CDK17: variants seen among roughly 807,000 people sequenced by gnomAD.
The protein encoded by CDK17 is cyclin-dependent kinase 17.
A neutral mutation model predicts 77.6 loss-of-function variants in CDK17; 24 were observed. The observed-to-expected ratio is 0.31, with a 90% CI of 0.22 to 0.44. The LOEUF is 0.44. CDK17 is among the 20% of genes least tolerant of loss of function. CDK17 has a pLI of 1.00. For missense variants in CDK17, 429 were observed against 622.5 expected, an observed-to-expected ratio of 0.69 and a Z score of 3.31; for synonymous variants, 203 against 210.4, an observed-to-expected ratio of 0.96 and a Z score of 0.30.
At chr12:96,325,009 T>A (rs996794531) in intron 2 of CDK17, among the ~76,000 whole-genome samples, 2 of 152,096 alleles carry the variant, frequency 1.3e-5, no homozygotes, top group African/African-American at 4.8e-5. Flanking sequence ...ATTAAAAAAA[T>A]ATAATACTTA....
At chr12:96,341,344 C>CACACACACACACACACGT (rs149595808) in intron 1 of CDK17, among the ~76,000 whole-genome samples, 1 of 149,806 alleles carries the variant, frequency 6.7e-6, no homozygotes, top group African/African-American at 2.5e-5. Flanking sequence ...CACACACACA[C>CACACACACACACACACGT]GTCTCATATA....
At chr12:96,364,481 G>C (rs1172609542) in intron 1 of CDK17, among the ~76,000 whole-genome samples, 3 of 152,102 alleles carry the variant, frequency 2.0e-5, no homozygotes, top group Middle Eastern at 3.2e-3. Context: ...CATATTCCTG[G>C]TGACTAATGT....
chr12:96,365,878 T>A (rs1953576052), intron 1 of CDK17, among the ~76,000 whole-genome samples: 1 of 152,022 alleles, frequency 6.6e-6, no homozygotes, highest in Non-Finnish European at 1.5e-5. Flanking sequence ...CTGTCTCAAT[T>A]AAAAAAAAGT....
Position 96,280,898 on chromosome 12 carries a change from G to C in CDK17, c.1457-13C>G. ...AATATTGATACACCTAAAATGCATA[G>C]ACAAAAATTATTAGGTGAAGGTCTA... On this transcript the variant is annotated splice_polypyrimidine_tract_variant and intron_variant, in intron 15 of 16. Coordinates refer to ENST00000261211, the MANE Select transcript of CDK17 (RefSeq NM_002595.5). 2 of 1,602,414 alleles carry C rather than the reference G, an allele frequency of 1.2e-6. No individual in the cohort carries two copies. The highest frequency in any genetic ancestry group is 1.7e-6 in the Non-Finnish European group (2 of 1,174,280).
At chr12:96,377,763 G>C (rs900401692) in intron 1 of CDK17, among the ~76,000 whole-genome samples, 7 of 145,456 alleles carry the variant, frequency 4.8e-5, no homozygotes, top group Non-Finnish European at 8.9e-5. Context: ...GTGCGATCTC[G>C]GCTCACTGCA....
intron 6 of CDK17, among the ~76,000 whole-genome samples, chr12:96,299,388 ATT>A (rs35168599): frequency 0.15 from 19,667 of 132,978 alleles, 1,258 homozygotes; most frequent in African/African-American, 0.19. Flanking sequence ...TAAATGATAA[ATT>A]TTTTTTTTTT....
intron 12 of CDK17, 26 bp from the exon 13 acceptor site, chr12:96,286,174 T>C (rs764057083): frequency 3.5e-6 from 2 of 566,998 alleles, no homozygotes; most frequent in South Asian, 9.8e-5. Context: ...AAATTAAATA[T>C]ATTTATAAAT....
chr12:96,381,275 T>C (rs1359219781), intron 1 of CDK17, among the ~76,000 whole-genome samples: 3 of 152,008 alleles, frequency 2.0e-5, no homozygotes, highest in Non-Finnish European at 4.4e-5. Context: ...TCATATAAAC[T>C]TTTCAAAGAG....
chr12:96,370,529 T>C (rs533532197), intron 1 of CDK17, among the ~76,000 whole-genome samples: 1 of 152,330 alleles, frequency 6.6e-6, no homozygotes, highest in African/African-American at 2.4e-5. Context: ...TTCATTTTGC[T>C]CTAAAGCAGA....
intron 1 of CDK17, among the ~76,000 whole-genome samples, chr12:96,394,516 T>C (rs1169621099): frequency 6.6e-6 from 1 of 152,044 alleles, no homozygotes; most frequent in Non-Finnish European, 1.5e-5. Context: ...AAAAATGTGT[T>C]ATTAAAAGGT....
intron 10 of CDK17, among the ~76,000 whole-genome samples, chr12:96,289,727 A>C (rs1185158094): frequency 6.6e-6 from 1 of 152,224 alleles, no homozygotes; most frequent in African/African-American, 2.4e-5. Context: ...TTCATTTGCT[A>C]TACCATTTTT....
At chr12:96,394,368 A>T (rs1954130756) in intron 1 of CDK17, among the ~76,000 whole-genome samples, 1 of 152,250 alleles carries the variant, frequency 6.6e-6, no homozygotes, top group African/African-American at 2.4e-5. Flanking sequence ...TGACTTGAGA[A>T]GGCCAAAGTT....
At chr12:96,306,414 T>C (rs1016295386) in intron 5 of CDK17, among the ~76,000 whole-genome samples, 2 of 136,538 alleles carry the variant, frequency 1.5e-5, no homozygotes, top group African/African-American at 2.6e-5. Flanking sequence ...AAATAATTTG[T>C]ACAAAAAAAA....
At chr12:96,386,142 C>T (rs1422624030) in intron 1 of CDK17, among the ~76,000 whole-genome samples, 1 of 152,184 alleles carries the variant, frequency 6.6e-6, no homozygotes, top group Non-Finnish European at 1.5e-5. Flanking sequence ...CAGGCATGTG[C>T]CACCACAGCT....
intron 15 of CDK17, 88 bp from the exon 16 acceptor site, chr12:96,280,973 T>C (rs1332239780): frequency 9.3e-7 from 1 of 1,080,824 alleles, no homozygotes; most frequent in Non-Finnish European, 1.3e-6. Context: ...ATAAAGCATA[T>C]ACTGATTCAA....
chr12:96,371,887 T>C (rs890811219), intron 1 of CDK17, among the ~76,000 whole-genome samples: 1 of 152,218 alleles, frequency 6.6e-6, no homozygotes, highest in Non-Finnish European at 1.5e-5. Flanking sequence ...ACTTTCTAAA[T>C]ATTCATGTAG....
At chr12:96,331,939 C>T (rs905562422) in intron 2 of CDK17, among the ~76,000 whole-genome samples, 5 of 152,116 alleles carry the variant, frequency 3.3e-5, no homozygotes, top group African/African-American at 4.8e-5. Flanking sequence ...TGCCATGTGA[C>T]GTTTCAGACA....
In CDK17 at chr12:96,318,476, C is replaced by T. The variant is rs1348979275; in HGVS notation, c.284-5022G>A. On this transcript the variant is annotated intron_variant, in intron 3 of 16. Coordinates refer to ENST00000261211, the MANE Select transcript of CDK17 (RefSeq NM_002595.5). Reference sequence around the variant, plus strand: ...AATAGACATCTACAGAACTCTCCACCCCAAATCAACAGAATATACATTTTT... The same window carrying T: ...AATAGACATCTACAGAACTCTCCACTCCAAATCAACAGAATATACATTTTT... Among the ~76,000 whole-genome samples, 8 of 133,278 alleles carry T rather than the reference C, an allele frequency of 6.0e-5. No individual in the cohort carries two copies. In the East Asian group the frequency reaches 1.4e-3, roughly 23 times the overall value. 87.4% of individuals were successfully genotyped at this position (133,278 alleles called of 152,430 possible).
intron 1 of CDK17, among the ~76,000 whole-genome samples, 198 bp downstream of exon 1, chr12:96,399,788 G>A (rs769875709): frequency 1.3e-5 from 2 of 151,846 alleles, no homozygotes; most frequent in Non-Finnish European, 2.9e-5. Flanking sequence ...GCGACCCAAG[G>A]TCCTCGCTGG....
Sources: gnomAD v4.1 joint callset for allele counts (sites outside exome capture counted in the v4.1 genomes callset) on GRCh38, gnomAD v4.1.1 for gene constraint, MANE v1.5 for transcripts, NCBI Gene and HGNC (gene_info 2026-07-23, HGNC 2026-07-21) for gene names.